MIA2: variants seen among roughly 807,000 people sequenced by gnomAD.
MIA2 encodes the protein melanoma inhibitory activity protein 2.
In MIA2, 127 loss-of-function variants were observed where a neutral mutation model predicts 167.8. The ratio of observed to expected loss-of-function variants is 0.76; its 90% CI spans 0.66 to 0.88. MIA2 has a LOEUF of 0.88. Ranked by LOEUF, MIA2 falls within the 40% of genes least tolerant of loss-of-function variation. MIA2 has a pLI of 0.00. For synonymous variants in MIA2, 552 were observed against 541.9 expected, an observed-to-expected ratio of 1.02 and a Z score of -0.26; for missense variants, 1,690 against 1,624.7, an observed-to-expected ratio of 1.04 and a Z score of -0.69.
intron 6 of MIA2, among the ~76,000 whole-genome samples, chr14:39,275,885 G>T (rs1445294441): frequency 6.6e-6 from 1 of 152,182 alleles, no homozygotes; most frequent in Admixed American, 6.5e-5. Flanking sequence ...TTTGGTACAG[G>T]TTATGAAGTA....
In MIA2 at chr14:39,293,130, T is replaced by C; in HGVS notation, c.2209-141T>C. 4.6e-6 allele frequency: 3 copies of C among 658,464 alleles called. No individual in the cohort carries two copies. The South Asian group carries it at 5.9e-5, about 13-fold the overall frequency. 40.8% of individuals were successfully genotyped at this position (658,464 alleles called of 1,614,324 possible). On this transcript the variant is annotated intron_variant, in intron 10 of 28. Coordinates refer to ENST00000640607, the MANE Select transcript of MIA2 (RefSeq NM_001329214.4). The stretch of plus-strand genomic sequence containing the variant: ...CTTTGCTGACCACTGCTACAATTGC[T>C]GTTATTTTGATATTATAAAAATGAG...
chr14:39,347,225 A>G (rs1480875125), intron 26 of MIA2, among the ~76,000 whole-genome samples: 2 of 152,170 alleles, frequency 1.3e-5, no homozygotes, highest in African/African-American at 4.8e-5. Flanking sequence ...TGAGAAAGCT[A>G]CAAGAGGAGA....
chr14:39,301,024 A>G (rs527911150), intron 14 of MIA2, among the ~76,000 whole-genome samples: 1 of 115,150 alleles, frequency 8.7e-6, no homozygotes. Flanking sequence ...ATATACACAC[A>G]TATATACATA....
intron 24 of MIA2, 94 bp from the exon 25 acceptor site, chr14:39,326,763 TATTTATA>T: frequency 9.4e-7 from 1 of 1,061,028 alleles, no homozygotes; most frequent in African/African-American, 1.7e-5. Flanking sequence ...TCAGACTTTG[TATTTATA>T]ATTTATGATT....
intron 1 of MIA2, among the ~76,000 whole-genome samples, chr14:39,236,147 A>G (rs1241667806): frequency 6.6e-6 from 1 of 152,198 alleles, no homozygotes; most frequent in African/African-American, 2.4e-5. Context: ...AGAAAATTTA[A>G]TTTTAGTGAA....
At chr14:39,289,216 A>G (rs1238114187) in intron 9 of MIA2, among the ~76,000 whole-genome samples, 1 of 98,252 alleles carries the variant, frequency 1.0e-5, no homozygotes, top group Non-Finnish European at 2.0e-5. Context: ...GTTGTAAGGT[A>G]GGCAGGTTTT....
chr14:39,270,277 C>G (rs61998552), intron 6 of MIA2, among the ~76,000 whole-genome samples: 32,420 of 146,416 alleles, frequency 0.22, 3,596 homozygotes, highest in Middle Eastern at 0.3. Context: ...TCTCGGCTCA[C>G]TGCAGCCTCC....
At chr14:39,380,651 C>CAGTGGAGTG (rs2075137896) in intron 23 of MIA2, among the ~76,000 whole-genome samples, 1 of 141,556 alleles carries the variant, frequency 7.1e-6, no homozygotes, top group Non-Finnish European at 1.5e-5. Flanking sequence ...TGAGATCGCA[C>CAGTGGAGTG]CACTGCACTC....
At chr14:39,322,001 T>C (rs1161393371) in intron 24 of MIA2, among the ~76,000 whole-genome samples, 1 of 151,884 alleles carries the variant, frequency 6.6e-6, no homozygotes, top group Non-Finnish European at 1.5e-5. Context: ...GGTCTCGAAC[T>C]CCTGACCTTA....
At chr14:39,277,760 A>ATG (rs2058352487) in intron 7 of MIA2, among the ~76,000 whole-genome samples, 1 of 25,042 alleles carries the variant, frequency 4.0e-5, no homozygotes, top group African/African-American at 1.7e-4. Context: ...ATATATATAT[A>ATG]TATATATATA....
At chr14:39,267,903 C>T (rs2056273286) in intron 6 of MIA2, among the ~76,000 whole-genome samples, 2 of 151,944 alleles carry the variant, frequency 1.3e-5, no homozygotes, top group Admixed American at 1.3e-4. Flanking sequence ...AAATTAGTTA[C>T]ATTTACTGAT....
At chr14:39,271,304 A>G (rs908717934) in intron 6 of MIA2, among the ~76,000 whole-genome samples, 3 of 152,032 alleles carry the variant, frequency 2.0e-5, no homozygotes, top group African/African-American at 7.2e-5. Context: ...TCTGATTTCT[A>G]TTTCATTGGT....
chr14:39,293,370 C>A lies in MIA2; in HGVS notation c.2308C>A (p.Gln770Lys). Reference protein sequence around the residue: ...LKEEKSKHSEQDELMADISKR... With the variant: ...LKEEKSKHSEKDELMADISKR... ...AGAAGAGAAATCCAAACATTCTGAA[C>A]AAGATGAATTGGTAAGGCTTTTTTA... The change falls in exon 11 of 29, where the codon CAA (glutamine) becomes AAA (lysine). Residue 770 changes from glutamine to lysine, a missense_variant. Coordinates refer to ENST00000640607, the MANE Select transcript of MIA2 (RefSeq NM_001329214.4). The A allele has an allele frequency of 6.3e-7, 1 of 1,579,616 alleles. No individual in the cohort carries two copies. Among genetic ancestry groups the A allele is most frequent in the Non-Finnish European group, 8.7e-7 (1 of 1,153,868 alleles).
At chr14:39,288,347 C>G (rs2060094353) in intron 9 of MIA2, among the ~76,000 whole-genome samples, 1 of 146,774 alleles carries the variant, frequency 6.8e-6, no homozygotes, top group Non-Finnish European at 1.5e-5. Context: ...TTTTCTGTGT[C>G]AATTGGTATG....
At chr14:39,321,710 A>G (rs1010789010) in intron 24 of MIA2, among the ~76,000 whole-genome samples, 3 of 152,106 alleles carry the variant, frequency 2.0e-5, no homozygotes, top group African/African-American at 7.2e-5. Context: ...ATGAAATATA[A>G]TAACAGTATA....
intron 23 of MIA2, among the ~76,000 whole-genome samples, chr14:39,367,159 G>T (rs553696536): frequency 1.0e-3 from 157 of 152,286 alleles, no homozygotes; most frequent in African/African-American, 3.6e-3. Context: ...TTGTCCTGGG[G>T]GCAGCCTCCC....
intron 15 of MIA2, among the ~76,000 whole-genome samples, 171 bp downstream of exon 15, chr14:39,302,420 G>C (rs1369282355): frequency 6.6e-6 from 1 of 152,130 alleles, no homozygotes; most frequent in Non-Finnish European, 1.5e-5. Flanking sequence ...GCTTCAGCTG[G>C]AGCACTGCCT....
chr14:39,309,168 C>T (rs187777610), intron 18 of MIA2, among the ~76,000 whole-genome samples: 11 of 152,250 alleles, frequency 7.2e-5, no homozygotes, highest in Admixed American at 2.0e-4. Flanking sequence ...AGTTAATACC[C>T]GGCTTATTAT....
chr14:39,314,692 A>G, intron 19 of MIA2, 47 bp from the exon 20 acceptor site: 2 of 1,414,378 alleles, frequency 1.4e-6, no homozygotes, highest in Non-Finnish European at 1.9e-6. Flanking sequence ...ATGTTCTGTC[A>G]TTTCATGTTA....
Sources: gnomAD v4.1 joint callset for allele counts (sites outside exome capture counted in the v4.1 genomes callset) on GRCh38, gnomAD v4.1.1 for gene constraint, MANE v1.5 for transcripts, NCBI Gene and HGNC (gene_info 2026-07-23, HGNC 2026-07-21) for gene names.